TRIM9: variants seen among roughly 807,000 people sequenced by gnomAD.
The protein encoded by TRIM9 is E3 ubiquitin-protein ligase TRIM9.
In TRIM9, 26 loss-of-function variants were observed where a neutral mutation model predicts 78.3. The ratio of observed to expected loss-of-function variants is 0.33; its 90% CI spans 0.24 to 0.46. The LOEUF (loss-of-function observed/expected upper bound fraction) is 0.46, where lower values mean the gene tolerates loss of function less well. Ranked by LOEUF, TRIM9 falls within the 20% of genes least tolerant of loss-of-function variation. The pLI is 1.00. For synonymous variants in TRIM9, 398 were observed against 416.5 expected (o/e 0.96, Z 0.54); for missense variants, 787 against 1,036.4 (o/e 0.76, Z 3.30).
At chr14:51,032,746 C>A (rs1464595219) in intron 1 of TRIM9, among the ~76,000 whole-genome samples, 2 of 152,124 alleles carry the variant, frequency 1.3e-5, no homozygotes, top group Admixed American at 6.5e-5. Flanking sequence ...TAATAAGAAC[C>A]TACATCCTAG....
chr14:51,069,142 T>C (rs1275760347), intron 1 of TRIM9, among the ~76,000 whole-genome samples: 1 of 152,198 alleles, frequency 6.6e-6, no homozygotes, highest in African/African-American at 2.4e-5. Flanking sequence ...GGAATCAGTC[T>C]GAGAGAGTTG....
intron 1 of TRIM9, among the ~76,000 whole-genome samples, chr14:51,060,048 A>G (rs766582122): frequency 9.2e-5 from 14 of 152,208 alleles, no homozygotes; most frequent in Non-Finnish European, 1.6e-4. Context: ...AGTAGATTCC[A>G]CCAAACTGGG....
intron 1 of TRIM9, among the ~76,000 whole-genome samples, chr14:51,055,714 AC>A (rs2060843790): frequency 6.6e-6 from 1 of 152,228 alleles, no homozygotes; most frequent in Non-Finnish European, 1.5e-5. Flanking sequence ...GCCCAGCAAG[AC>A]CCATGTCAGA....
At chr14:51,031,435 G>C (rs1178611073) in intron 1 of TRIM9, among the ~76,000 whole-genome samples, 1 of 152,154 alleles carries the variant, frequency 6.6e-6, no homozygotes, top group Admixed American at 6.5e-5. Context: ...CAGTCTCTGT[G>C]AGAGGGTAGG....
chr14:50,993,727 G>C (rs2053836607), intron 7 of TRIM9, among the ~76,000 whole-genome samples: 1 of 152,182 alleles, frequency 6.6e-6, no homozygotes, highest in African/African-American at 2.4e-5. Flanking sequence ...TCACCTTGCA[G>C]ACAGACTTTG....
intron 1 of TRIM9, among the ~76,000 whole-genome samples, chr14:51,078,243 G>GGT (rs2062981494): frequency 6.6e-6 from 1 of 152,146 alleles, no homozygotes; most frequent in African/African-American, 2.4e-5. Context: ...AATGTAGTGG[G>GGT]TATATTGTGC....
At chr14:51,025,946 T>C (rs6572719) in intron 1 of TRIM9, among the ~76,000 whole-genome samples, 121,952 of 152,026 alleles carry the variant, frequency 0.8, 49,194 homozygotes, top group African/African-American at 0.86. Context: ...TGTCCTCTCC[T>C]CACTAGCCTC....
chr14:51,009,104 G>C lies in TRIM9; in HGVS notation c.1282C>G (p.Gln428Glu). 6.2e-7 allele frequency: 1 copy of C among 1,614,016 alleles called. No individual in the cohort carries two copies. The highest frequency in any genetic ancestry group is 2.2e-5 in the East Asian group (1 of 44,882). Residue 428 changes from glutamine (Q) to glutamate (E), a missense_variant, in exon 5 of 13, where the codon CAG becomes GAG. By Grantham distance (29) the Gln-to-Glu change is conservative. Transcript: ENST00000684578. Reference sequence around the variant, plus strand: ...CCTTTCACTTGCACGAAATCCAGCTGGTGGATGGATTGCAGCAGAGGGCTG... The same window carrying C: ...CCTTTCACTTGCACGAAATCCAGCTCGTGGATGGATTGCAGCAGAGGGCTG... ...DNSPLLQSIH[Q>E]LDFVQVKASS... is the part of the protein sequence containing the mutation.
Position 50,985,969 on chromosome 14 carries a change from A to G in TRIM9, c.1779T>C (p.Ser593=), listed in dbSNP as rs750607025. The G allele has an allele frequency of 8.0e-5, 123 of 1,539,786 alleles. 1 individual carries two copies. The highest frequency in any genetic ancestry group is 9.4e-5 in the Non-Finnish European group (107 of 1,141,634). Residue 593 remains serine (S), a synonymous_variant, in exon 8 of 13, where the codon TCT becomes TCC. Transcript: ENST00000684578. ...AGCTCAGCTCACCCGGTGCATTGAG[A>G]GACTGTAAAGAGGAATGCAAGCTCA... is the stretch of plus-strand genomic sequence containing the variant. ...HQLSLHSSLQ[S]LNAPGCNFET...
intron 6 of TRIM9, 143 bp downstream of exon 6, chr14:51,000,540 G>A: frequency 1.8e-6 from 2 of 1,091,838 alleles, no homozygotes; most frequent in Non-Finnish European, 2.6e-6. Flanking sequence ...GAGAAAGCAG[G>A]CTTCAGGTGA....
chr14:51,011,611 C>CA (rs1356889799), intron 3 of TRIM9, among the ~76,000 whole-genome samples: 1 of 152,138 alleles, frequency 6.6e-6, no homozygotes, highest in Non-Finnish European at 1.5e-5. Context: ...GGATAATAGC[C>CA]AAAAGAGAAT....
intron 1 of TRIM9, among the ~76,000 whole-genome samples, chr14:51,054,613 CTCTG>C (rs1299598281): frequency 6.6e-6 from 1 of 151,924 alleles, no homozygotes; most frequent in African/African-American, 2.4e-5. Flanking sequence ...AGGAGTTTCG[CTCTG>C]TCGCCAAGTT....
rs1305936100 is a variant in TRIM9, at chr14:50,977,346, A to G, written c.2333T>C (p.Leu778Pro). 11 of 1,546,648 alleles carry G rather than the reference A, an allele frequency of 7.1e-6. No individual in the cohort carries two copies. The highest frequency in any genetic ancestry group is 2.8e-5 in the African/African-American group (2 of 71,868). ...GTCGGGGACTGGGAGCCCGGTGTGC[A>G]GCGTGACCTGGGGAATGAGACTGTG... ...VSLNRNVQVT[L>P]HTGLPVPDFY... is the part of the protein sequence containing the mutation. The change falls in exon 13 of 13, where the codon CTG (leucine) becomes CCG (proline). Residue 778 changes from leucine (L) to proline (P), a missense_variant. Transcript: ENST00000684578.
intron 3 of TRIM9, among the ~76,000 whole-genome samples, 179 bp downstream of exon 3, chr14:51,022,656 A>T (rs1252870295): frequency 6.6e-6 from 1 of 152,184 alleles, no homozygotes; most frequent in Non-Finnish European, 1.5e-5. Flanking sequence ...TGGGTAAATG[A>T]AGGAGCAGGT....
intron 1 of TRIM9, among the ~76,000 whole-genome samples, chr14:51,044,765 C>G (rs2059822516): frequency 6.6e-6 from 1 of 151,972 alleles, no homozygotes; most frequent in East Asian, 1.9e-4. Flanking sequence ...ATGGCTAAAC[C>G]TAATCTAACT....
chr14:51,055,377 T>A (rs1222433904), intron 1 of TRIM9, among the ~76,000 whole-genome samples: 1 of 152,208 alleles, frequency 6.6e-6, no homozygotes, highest in Non-Finnish European at 1.5e-5. Context: ...CCAAACATCA[T>A]GTCCACATCC....
chr14:50,996,493 A>G (rs2054224349), intron 7 of TRIM9: 1 of 985,468 alleles, frequency 1.0e-6, no homozygotes, highest in East Asian at 1.1e-4. Flanking sequence ...TATTATGAAT[A>G]GAAATAGTTT....
In TRIM9 at chr14:50,975,865, A is replaced by T. The variant is rs1413817639; in HGVS notation, c.*1426T>A. ...CTATGTAAGTCTATCTCTATATAGA[A>T]GTAAGATGCATTATTATTCTGCTAT... is the stretch of plus-strand genomic sequence containing the variant. On this transcript the variant is annotated 3_prime_UTR_variant, in exon 13 of 13. Transcript: ENST00000684578. 6.6e-6 allele frequency: 1 copy of T among 152,662 alleles called. No homozygotes were observed. Among genetic ancestry groups the T allele is most frequent in the African/African-American group, 2.4e-5 (1 of 41,460 alleles). The allele number at this position is 152,662 out of a possible 1,614,324, so 9.5% of individuals were successfully genotyped here.
intron 11 of TRIM9, among the ~76,000 whole-genome samples, chr14:50,980,964 G>T (rs1422030275): frequency 6.6e-6 from 1 of 151,564 alleles, no homozygotes; most frequent in Non-Finnish European, 1.5e-5. Flanking sequence ...CCTTTGATCT[G>T]GTTGAACACT....
Sources: allele counts gnomAD v4.1 joint callset (sites outside exome capture counted in the v4.1 genomes callset), GRCh38; gene constraint gnomAD v4.1.1; transcripts MANE v1.5; gene names NCBI Gene and HGNC (gene_info 2026-07-23, HGNC 2026-07-21).